RMND1: variants seen among roughly 807,000 people sequenced by gnomAD.
RMND1 encodes the protein required for meiotic nuclear division protein 1 homolog.
Under a neutral mutation model 54.0 loss-of-function variants are expected in RMND1, and 41 were observed. That is an observed-to-expected ratio of 0.76 (90% CI 0.59 to 0.98). RMND1 has a LOEUF of 0.98. Ranked by LOEUF, RMND1 falls within the 50% of genes least tolerant of loss-of-function variation. The pLI, the probability that RMND1 is intolerant of heterozygous loss-of-function variation, is 0.00. For missense variants in RMND1, 457 were observed against 532.0 expected (o/e 0.86, Z 1.39); for synonymous variants, 183 against 181.7 (o/e 1.01, Z -0.06).
chr6:151,409,450 G>A lies in RMND1; in HGVS notation c.1201-3614C>T, dbSNP rs577317529. Among the ~76,000 whole-genome samples, 40 of 152,288 alleles carry A rather than the reference G, an allele frequency of 2.6e-4. 1 individual carries two copies. In the South Asian group the frequency reaches 8.3e-3, roughly 32 times the overall value. Reference sequence around the variant, plus strand: ...GAAGGTCCTCCCATGAGCTGAAATAGAGAACTGAAAAGGTTTACCATTTTC... The same window carrying A: ...GAAGGTCCTCCCATGAGCTGAAATAAAGAACTGAAAAGGTTTACCATTTTC... On this transcript the variant is annotated intron_variant, in intron 10 of 11. Transcript: ENST00000444024.
At chr6:151,449,674 C>T (rs1781072133) in intron 1 of RMND1, among the ~76,000 whole-genome samples, 1 of 151,996 alleles carries the variant, frequency 6.6e-6, no homozygotes, top group Non-Finnish European at 1.5e-5. Context: ...GTCCCCCTCT[C>T]CCCACGGTCT....
chr6:151,449,038 G>C (rs550200795), intron 1 of RMND1, among the ~76,000 whole-genome samples: 35 of 109,086 alleles, frequency 3.2e-4, no homozygotes, highest in Non-Finnish European at 5.0e-4. Context: ...TCCAGAATGA[G>C]CAACAAAGCG....
At position 151,423,562 on chromosome 6, in the gene RMND1, T is replaced by C. The variant is rs776237472; in HGVS notation, c.900A>G (p.Leu300=). The change falls in exon 7 of 12, where the codon CTA becomes CTG. Residue 300 remains leucine, a synonymous_variant. Transcript: ENST00000444024. ...NSELDLDDAI[L]EKFAFSNALC... is the part of the protein sequence containing the mutation. ...GAGCATTGGAGAAAGCAAACTTCTC[T>C]AGAATGGCATCATCTAAATCCAGCT... is the stretch of plus-strand genomic sequence containing the variant. 36 of 1,613,834 alleles carry C rather than the reference T, an allele frequency of 2.2e-5. No individual in the cohort carries two copies. Among genetic ancestry groups the C allele is most frequent in the Non-Finnish European group, 2.9e-5 (34 of 1,179,838 alleles).
intron 1 of RMND1, among the ~76,000 whole-genome samples, chr6:151,451,073 G>C (rs1045116952): frequency 6.6e-6 from 1 of 151,994 alleles, no homozygotes; most frequent in East Asian, 1.9e-4. Flanking sequence ...GCGGAAGGCC[G>C]CAGGGTCCTC....
intron 1 of RMND1, among the ~76,000 whole-genome samples, chr6:151,449,757 T>C (rs1294331481): frequency 1.3e-5 from 2 of 152,148 alleles, no homozygotes; most frequent in African/African-American, 2.4e-5. Context: ...TGCCTGATTC[T>C]CCTGCCTCAG....
intron 4 of RMND1, among the ~76,000 whole-genome samples, chr6:151,432,007 C>T (rs375961247): frequency 1.7e-4 from 26 of 151,196 alleles, no homozygotes; most frequent in African/African-American, 5.7e-4. Context: ...ACGATCTCAG[C>T]TGACCACAAC....
intron 11 of RMND1, 135 bp from the exon 12 acceptor site, chr6:151,405,402 A>G (rs1779577853): frequency 1.8e-5 from 14 of 781,006 alleles, no homozygotes; most frequent in Non-Finnish European, 2.7e-5. Context: ...GTGGCAACCT[A>G]TGAATTGGAG....
At position 151,445,596 on chromosome 6, in the gene RMND1, T is replaced by C; in HGVS notation, c.216A>G (p.Gln72=). The C allele has an allele frequency of 6.2e-7, 1 of 1,614,244 alleles. No homozygotes were observed. Among genetic ancestry groups the C allele is most frequent in the Non-Finnish European group, 8.5e-7 (1 of 1,180,040 alleles). The change falls in exon 2 of 12, where the codon CAA becomes CAG. Residue 72 remains glutamine (Q), a synonymous_variant. Transcript: ENST00000444024. Reference sequence around the variant, plus strand: ...ACAGCATGCTGGTATCTGACTTTTTTTGGTTCATTTCCAGGATCTGAGACT... The same window carrying C: ...ACAGCATGCTGGTATCTGACTTTTTCTGGTTCATTTCCAGGATCTGAGACT... ...LNKSQILEMN[Q]KKSDTSMLSP... is the part of the protein sequence containing the mutation.
At chr6:151,433,948 CG>C (rs57163609) in intron 3 of RMND1, among the ~76,000 whole-genome samples, 10,383 of 87,886 alleles carry the variant, frequency 0.12, 612 homozygotes, top group East Asian at 0.29. Flanking sequence ...GACCCCCCCC[CG>C]CCCCACCCAC....
At chr6:151,408,664 A>T (rs955102643) in intron 10 of RMND1, 7 of 152,348 alleles carry the variant, frequency 4.6e-5, no homozygotes, top group Admixed American at 3.3e-4. Flanking sequence ...ATAATCCTAG[A>T]TTATCTGGGT....
At chr6:151,430,899 A>T (rs1780430851) in intron 4 of RMND1, among the ~76,000 whole-genome samples, 1 of 150,034 alleles carries the variant, frequency 6.7e-6, no homozygotes, top group African/African-American at 2.5e-5. Flanking sequence ...GCTCCACGTT[A>T]TTCTTGAAAC....
intron 10 of RMND1, among the ~76,000 whole-genome samples, chr6:151,408,151 C>G (rs978533443): frequency 6.6e-6 from 1 of 151,870 alleles, no homozygotes; most frequent in Admixed American, 6.6e-5. Flanking sequence ...TACAGACAAG[C>G]ATAGCTAGAT....
chr6:151,444,409 C>G (rs1047292990), intron 2 of RMND1: 1 of 152,184 alleles, frequency 6.6e-6, no homozygotes, highest in African/African-American at 2.4e-5. Context: ...AACACAAAAA[C>G]CATTCATTCA....
chr6:151,436,331 A>G, intron 3 of RMND1, 115 bp downstream of exon 3: 2 of 1,200,380 alleles, frequency 1.7e-6, no homozygotes, highest in Admixed American at 2.2e-5. Flanking sequence ...CACTTTTATG[A>G]TACAATCCTT....
intron 11 of RMND1, among the ~76,000 whole-genome samples, chr6:151,405,513 CAA>C (rs1176298872): frequency 2.6e-5 from 4 of 152,170 alleles, no homozygotes; most frequent in African/African-American, 9.7e-5. Context: ...GGTCTACTCT[CAA>C]ATTTTAAAAA....
At chr6:151,415,366 A>G (rs1430990526) in intron 10 of RMND1, among the ~76,000 whole-genome samples, 2 of 152,086 alleles carry the variant, frequency 1.3e-5, no homozygotes, top group Admixed American at 6.6e-5. Context: ...AAATCAGTAG[A>G]TTGTAATAAG....
intron 2 of RMND1, among the ~76,000 whole-genome samples, chr6:151,437,364 T>C (rs554109982): frequency 6.6e-6 from 1 of 152,336 alleles, no homozygotes; most frequent in South Asian, 2.1e-4. Context: ...CTACTCTAGG[T>C]CGCTATGTAT....
intron 1 of RMND1, among the ~76,000 whole-genome samples, chr6:151,447,810 C>CTTTTTTT (rs869136474): frequency 1.8e-5 from 2 of 110,340 alleles, no homozygotes; most frequent in African/African-American, 3.8e-5. Context: ...TGAGTAAATT[C>CTTTTTTT]TTTTTTTTTT....
chr6:151,449,982 G>A (rs948518781), intron 1 of RMND1, among the ~76,000 whole-genome samples: 2 of 152,148 alleles, frequency 1.3e-5, no homozygotes, highest in African/African-American at 2.4e-5. Context: ...GTGCAGTGGC[G>A]TGATCGAGGC....
Sources: gnomAD v4.1 joint callset for allele counts (sites outside exome capture counted in the v4.1 genomes callset) on GRCh38, gnomAD v4.1.1 for gene constraint, MANE v1.5 for transcripts, NCBI Gene and HGNC (gene_info 2026-07-23, HGNC 2026-07-21) for gene names.